MARCHF8: variants seen among roughly 807,000 people sequenced by gnomAD.
The protein encoded by MARCHF8 is E3 ubiquitin-protein ligase MARCHF8.
MARCHF8 carries 40 observed loss-of-function variants against 51.6 expected under a neutral mutation model. The ratio of observed to expected loss-of-function variants is 0.77; its 90% CI spans 0.60 to 1.01. MARCHF8 has a LOEUF of 1.01. Among genes scored for constraint, MARCHF8 ranks in the 50% least tolerant of loss-of-function variants. MARCHF8 has a pLI of 0.00. For synonymous variants in MARCHF8, 263 were observed against 280.3 expected, an observed-to-expected ratio of 0.94 and a Z score of 0.62; for missense variants, 685 against 708.6, an observed-to-expected ratio of 0.97 and a Z score of 0.38.
chr10:45,478,057 A>T (rs1326341529), intron 3 of MARCHF8, among the ~76,000 whole-genome samples: 1 of 152,248 alleles, frequency 6.6e-6, no homozygotes, highest in Non-Finnish European at 1.5e-5. Context: ...ACGTTAGGAC[A>T]ATGGACTAAA....
In MARCHF8 at chr10:45,496,892, G is replaced by T. The variant is rs371066147; in HGVS notation, c.103-7475C>A. ...TATTACAATACAAAATAATGCAAAA[G>T]AAAGCAATAAAGGAAGAACACAGGA... On this transcript the variant is annotated intron_variant, in intron 2 of 7. Transcript: ENST00000453424. Among the ~76,000 whole-genome samples, 7 of 151,796 alleles carry T rather than the reference G, an allele frequency of 4.6e-5. No homozygotes were observed. The East Asian group carries it at 9.6e-4, about 21-fold the overall frequency.
intron 1 of MARCHF8, among the ~76,000 whole-genome samples, chr10:45,584,306 A>T (rs2044593895): frequency 6.6e-6 from 1 of 151,616 alleles, no homozygotes; most frequent in Admixed American, 6.6e-5. Flanking sequence ...CAAAAGCACA[A>T]ATCTGAGGGA....
rs544709669 is a variant in MARCHF8, at chr10:45,512,243, G to A, written c.102+20867C>T. On this transcript the variant is annotated intron_variant, in intron 2 of 7. Coordinates refer to ENST00000453424, the MANE Select transcript of MARCHF8 (RefSeq NM_001282866.2). ...TGAGAAGTGACGAGCCCCTCCGCCC[G>A]GCAGCCGCCCCGTCTGAGAAGTGAG... is the stretch of plus-strand genomic sequence containing the variant. 1.2e-3 allele frequency among the ~76,000 whole-genome samples: 185 copies of A among 150,962 alleles called. 1 individual carries two copies. Among genetic ancestry groups the A allele is most frequent in the African/African-American group, 3.8e-3 (156 of 41,020 alleles).
At chr10:45,586,340 C>T (rs2044618326) in intron 1 of MARCHF8, among the ~76,000 whole-genome samples, 1 of 152,130 alleles carries the variant, frequency 6.6e-6, no homozygotes, top group Admixed American at 6.5e-5. Flanking sequence ...GCTTCTTTTG[C>T]TCAGCATAAT....
intron 1 of MARCHF8, among the ~76,000 whole-genome samples, chr10:45,569,171 A>G (rs2044401528): frequency 6.6e-6 from 1 of 152,148 alleles, no homozygotes; most frequent in Non-Finnish European, 1.5e-5. Context: ...CCATGGATTG[A>G]ACAAACCTGC....
intron 1 of MARCHF8, among the ~76,000 whole-genome samples, chr10:45,547,262 G>A (rs2044138076): frequency 6.6e-6 from 1 of 152,042 alleles, no homozygotes; most frequent in South Asian, 2.1e-4. Context: ...CTAGATGAAA[G>A]CATTTGTAAA....
intron 2 of MARCHF8, among the ~76,000 whole-genome samples, chr10:45,493,119 A>T (rs2043114911): frequency 6.6e-6 from 1 of 152,218 alleles, no homozygotes; most frequent in South Asian, 2.1e-4. Context: ...AATGACATAA[A>T]AGAAGCACAT....
At chr10:45,459,325 T>TGA in intron 6 of MARCHF8, 58 bp from the exon 7 acceptor site, 1 of 1,574,762 alleles carries the variant, frequency 6.4e-7, no homozygotes, top group East Asian at 2.3e-5. Context: ...TCCGGTGGGG[T>TGA]GAGAGCATTG....
exon 1 of MARCHF8, chr10:45,594,814 C>G (rs2044722439): frequency 6.6e-6 from 1 of 152,490 alleles, no homozygotes; most frequent in Non-Finnish European, 1.5e-5. Context: ...TGGCCCGCCT[C>G]GAGCATGCCC....
intron 1 of MARCHF8, among the ~76,000 whole-genome samples, chr10:45,545,875 T>TA (rs2133321975): frequency 6.6e-6 from 1 of 152,300 alleles, no homozygotes; most frequent in Admixed American, 6.5e-5. Flanking sequence ...CACTCTCACT[T>TA]AACCACTGGT....
chr10:45,571,204 C>T (rs969910197), intron 1 of MARCHF8, among the ~76,000 whole-genome samples: 2 of 152,206 alleles, frequency 1.3e-5, no homozygotes, highest in African/African-American at 4.8e-5. Flanking sequence ...GCTAAACTAT[C>T]ATATCCCCTG....
chr10:45,546,303 G>C (rs1037306023), intron 1 of MARCHF8, among the ~76,000 whole-genome samples: 1 of 151,934 alleles, frequency 6.6e-6, no homozygotes, highest in African/African-American at 2.4e-5. Flanking sequence ...TGGGATTACA[G>C]GTGCACGCCA....
At chr10:45,538,561 T>A (rs1009424771), upstream of MARCHF8, among the ~76,000 whole-genome samples, 1 of 152,172 alleles carries the variant, frequency 6.6e-6, no homozygotes, top group African/African-American at 2.4e-5. Flanking sequence ...TGTGCTGTAT[T>A]CAGGAAACCC....
intron 1 of MARCHF8, among the ~76,000 whole-genome samples, chr10:45,591,279 A>C (rs1199107242): frequency 6.6e-6 from 1 of 152,228 alleles, no homozygotes; most frequent in Non-Finnish European, 1.5e-5. Flanking sequence ...CAGTCTGGCC[A>C]ACATGGTGAA....
intron 1 of MARCHF8, among the ~76,000 whole-genome samples, chr10:45,589,834 T>A (rs1196315703): frequency 6.6e-6 from 1 of 152,234 alleles, no homozygotes; most frequent in African/African-American, 2.4e-5. Context: ...TTTGAGTTGT[T>A]TCAACTTTTT....
intron 2 of MARCHF8, among the ~76,000 whole-genome samples, chr10:45,501,218 T>A (rs1043350080): frequency 6.6e-6 from 1 of 151,316 alleles, no homozygotes; most frequent in Non-Finnish European, 1.5e-5. Flanking sequence ...CTTAAAACAA[T>A]CCTAAAGAAT....
chr10:45,582,596 G>A (rs1015098717), intron 1 of MARCHF8, among the ~76,000 whole-genome samples: 2 of 152,200 alleles, frequency 1.3e-5, no homozygotes, highest in Non-Finnish European at 2.9e-5. Flanking sequence ...AGAGAGAGGT[G>A]AGGCAAGGCT....
chr10:45,546,990 A>G (rs1261137502), intron 1 of MARCHF8, among the ~76,000 whole-genome samples: 1 of 152,176 alleles, frequency 6.6e-6, no homozygotes, highest in African/African-American at 2.4e-5. Flanking sequence ...TGGGAGGCTG[A>G]GGTGGGAGGA....
At chr10:45,498,635 C>T (rs2043220463) in intron 2 of MARCHF8, among the ~76,000 whole-genome samples, 1 of 152,138 alleles carries the variant, frequency 6.6e-6, no homozygotes, top group Non-Finnish European at 1.5e-5. Flanking sequence ...ACCACTACAT[C>T]CAGCTAATTT....
Sources: gnomAD v4.1 joint callset for allele counts (sites outside exome capture counted in the v4.1 genomes callset) on GRCh38, gnomAD v4.1.1 for gene constraint, MANE v1.5 for transcripts, NCBI Gene and HGNC (gene_info 2026-07-23, HGNC 2026-07-21) for gene names.